The following ANTXR2 variants were observed in gnomAD, a reference collection of about 807,000 sequenced individuals.
The protein encoded by ANTXR2 is anthrax toxin receptor 2.
Under a neutral mutation model 73.7 loss-of-function variants are expected in ANTXR2, and 44 were observed. That is an observed-to-expected ratio of 0.60 (90% CI 0.47 to 0.77). ANTXR2 has a LOEUF of 0.77. Among genes scored for constraint, ANTXR2 ranks in the 30% least tolerant of loss-of-function variants. The pLI is 0.00. For missense variants in ANTXR2, 604 were observed against 592.5 expected (o/e 1.02, Z -0.20); for synonymous variants, 217 against 205.9 (o/e 1.05, Z -0.46).
At chr4:79,993,760 G>GCGCACACACACACACACACACACA (rs71662888) in intron 12 of ANTXR2, among the ~76,000 whole-genome samples, 8 of 140,770 alleles carry the variant, frequency 5.7e-5, no homozygotes, top group South Asian at 2.3e-4. Context: ...ACACACACAC[G>GCGCACACACACACACACACACACA]CACACACACA....
chr4:80,071,520 A>G (rs1734785047), intron 2 of ANTXR2, 63 bp downstream of exon 2: 5 of 1,416,232 alleles, frequency 3.5e-6, no homozygotes, highest in Non-Finnish European at 4.0e-6. Context: ...GGTTTCAGAA[A>G]AGGGAAATTC....
intron 3 of ANTXR2, among the ~76,000 whole-genome samples, chr4:80,058,016 T>C (rs146067840): frequency 3.1e-4 from 47 of 152,208 alleles, no homozygotes; most frequent in Middle Eastern, 6.8e-3. Flanking sequence ...TGTGTCTGAA[T>C]GCAGATAAAA....
chr4:79,915,912 A>C (rs1727338906), intron 16 of ANTXR2, among the ~76,000 whole-genome samples: 1 of 150,596 alleles, frequency 6.6e-6, no homozygotes, highest in African/African-American at 2.4e-5. Flanking sequence ...TGCTCTAAAT[A>C]AAACTGCAAA....
chr4:80,038,541 T>A lies in ANTXR2; in HGVS notation c.637-2509A>T, dbSNP rs554287565. Among the ~76,000 whole-genome samples, 4 of 152,172 alleles carry A rather than the reference T, an allele frequency of 2.6e-5. No homozygotes were observed. The South Asian group carries it at 8.3e-4, about 32-fold the overall frequency. ...TTCAACAATTTATGTTCTATTAAAG[T>A]CTGAGTTTAAAGAAATCAAGTTAAA... On this transcript the variant is annotated intron_variant, in intron 7 of 16. Transcript: ENST00000403729.
At chr4:80,032,574 A>G (rs1732747145) in intron 9 of ANTXR2, among the ~76,000 whole-genome samples, 1 of 151,860 alleles carries the variant, frequency 6.6e-6, no homozygotes, top group Non-Finnish European at 1.5e-5. Context: ...TTGAATAGGT[A>G]CTGTGTGTAT....
In ANTXR2 at chr4:79,988,367, A is replaced by G. The variant is rs1459463081; in HGVS notation, c.1042-3504T>C. The stretch of plus-strand genomic sequence containing the variant: ...GGGGTTGCAATTCTTATTTCAGACA[A>G]TACAGACTTTAAATCAGCAATGATC... On this transcript the variant is annotated intron_variant, in intron 12 of 16. Transcript: ENST00000403729. Among the ~76,000 whole-genome samples the G allele has an allele frequency of 4.0e-5, 6 of 150,860 alleles. No homozygotes were observed. The East Asian group carries it at 1.2e-3, about 29-fold the overall frequency.
At chr4:80,025,037 A>G (rs1304889037) in intron 10 of ANTXR2, among the ~76,000 whole-genome samples, 2 of 152,238 alleles carry the variant, frequency 1.3e-5, no homozygotes, top group Non-Finnish European at 2.9e-5. Flanking sequence ...TTGCTCCATC[A>G]TTAAAATATG....
intron 16 of ANTXR2, among the ~76,000 whole-genome samples, chr4:79,973,059 T>G (rs986341944): frequency 1.3e-5 from 2 of 149,220 alleles, no homozygotes; most frequent in Non-Finnish European, 3.0e-5. Flanking sequence ...TGGAAATAAA[T>G]GCATTTAAGA....
chr4:79,944,151 C>T (rs1258338036), intron 16 of ANTXR2, among the ~76,000 whole-genome samples: 1 of 75,816 alleles, frequency 1.3e-5, no homozygotes, highest in Admixed American at 1.7e-4. Context: ...CTTTGTGAAG[C>T]AGAGAACAGT....
chr4:79,919,725 T>A (rs1265817610), intron 16 of ANTXR2, among the ~76,000 whole-genome samples: 1 of 151,716 alleles, frequency 6.6e-6, no homozygotes, highest in Non-Finnish European at 1.5e-5. Context: ...TGGGCTGGCT[T>A]CTTCGCTCCT....
At position 79,906,112 on chromosome 4, in the gene ANTXR2, C is replaced by A. The variant is rs890927745; in HGVS notation, c.*1317G>T. On this transcript the variant is annotated 3_prime_UTR_variant, in exon 17 of 17. Coordinates refer to ENST00000403729, the MANE Select transcript of ANTXR2 (RefSeq NM_058172.6). ...CTTCAGCTGCTGCCTTCCTCCCCCA[C>A]GGTGTTTCTGCTCACGCTAACATAA... The A allele has an allele frequency of 6.6e-6, 1 of 152,584 alleles. No individual in the cohort carries two copies. Among genetic ancestry groups the A allele is most frequent in the Non-Finnish European group, 1.5e-5 (1 of 68,038 alleles). The allele number at this position is 152,584 out of a possible 1,614,324, so 9.5% of individuals were successfully genotyped here. A position where few individuals can be genotyped will look rare whatever the true frequency, so the allele number is the denominator to read the frequency against.
At chr4:79,937,815 C>T (rs1362995180) in intron 16 of ANTXR2, among the ~76,000 whole-genome samples, 4 of 149,558 alleles carry the variant, frequency 2.7e-5, no homozygotes, top group Admixed American at 6.7e-5. Context: ...TCTGAGGTAC[C>T]GGGTTCATCT....
chr4:79,979,497 T>C (rs1408276944), intron 14 of ANTXR2, among the ~76,000 whole-genome samples: 1 of 152,226 alleles, frequency 6.6e-6, no homozygotes, highest in Non-Finnish European at 1.5e-5. Context: ...AAAGAACTAT[T>C]CAGTCTTTTT....
At chr4:80,014,432 G>A (rs943289660) in intron 11 of ANTXR2, among the ~76,000 whole-genome samples, 3 of 151,840 alleles carry the variant, frequency 2.0e-5, no homozygotes, top group Non-Finnish European at 2.9e-5. Context: ...TGGGTGTGGC[G>A]GCACACACCT....
intron 7 of ANTXR2, among the ~76,000 whole-genome samples, chr4:80,046,182 T>C (rs1460813806): frequency 6.6e-6 from 1 of 151,836 alleles, no homozygotes; most frequent in Non-Finnish European, 1.5e-5. Flanking sequence ...GATTACATTG[T>C]TGATGAACAT....
At chr4:80,011,217 T>C (rs1308254230) in intron 11 of ANTXR2, among the ~76,000 whole-genome samples, 1 of 152,074 alleles carries the variant, frequency 6.6e-6, no homozygotes, top group Non-Finnish European at 1.5e-5. Context: ...ACCTAGTATA[T>C]ATATAAGCCA....
rs1325305215 is a variant in ANTXR2 at position 80,058,992 on chromosome 4, G to C, written c.297-2979C>G. ...TATGTACTTCCTCTTTTCTGCACTTGACAACCATGCAAACTTATTTCTTGT... is the reference window on the plus strand; with the variant it reads ...TATGTACTTCCTCTTTTCTGCACTTCACAACCATGCAAACTTATTTCTTGT... On this transcript the variant is annotated intron_variant, in intron 3 of 16. Transcript: ENST00000403729. Among the ~76,000 whole-genome samples, 6 of 152,000 alleles carry C rather than the reference G, an allele frequency of 3.9e-5. No individual in the cohort carries two copies. The East Asian group carries it at 9.7e-4, about 25-fold the overall frequency.
chr4:79,919,922 A>AAT (rs1727529530), intron 16 of ANTXR2, among the ~76,000 whole-genome samples: 3 of 11,966 alleles, frequency 2.5e-4, no homozygotes, highest in African/African-American at 1.2e-3. Context: ...TATATATATA[A>AAT]AAAATGATAG....
At chr4:79,954,840 G>A (rs1015856299) in intron 16 of ANTXR2, among the ~76,000 whole-genome samples, 12 of 152,194 alleles carry the variant, frequency 7.9e-5, no homozygotes, top group Middle Eastern at 6.8e-3. Flanking sequence ...TTAGCTGCAG[G>A]TAAAAAGACC....
Sources: allele counts gnomAD v4.1 joint callset (sites outside exome capture counted in the v4.1 genomes callset), GRCh38; gene constraint gnomAD v4.1.1; transcripts MANE v1.5; gene names NCBI Gene and HGNC (gene_info 2026-07-23, HGNC 2026-07-21).